Variants in IGDCC3 observed in about 807,000 individuals in gnomAD.
IGDCC3 encodes the protein putative neuronal cell adhesion molecule.
A neutral mutation model predicts 72.0 loss-of-function variants in IGDCC3; 47 were observed. The observed-to-expected ratio is 0.65, with a 90% confidence interval of 0.52 to 0.83. The LOEUF (loss-of-function observed/expected upper bound fraction) is 0.83. IGDCC3 is among the 40% of genes least tolerant of loss of function. IGDCC3 has a pLI of 0.00. For synonymous variants in IGDCC3, 477 were observed against 472.8 expected (o/e 1.01, Z -0.11); for missense variants, 1,038 against 1,091.3 (o/e 0.95, Z 0.69).
intron 2 of IGDCC3, among the ~76,000 whole-genome samples, chr15:65,350,645 A>G (rs985007628): frequency 2.0e-5 from 3 of 151,784 alleles, no homozygotes; most frequent in Non-Finnish European, 4.4e-5. Flanking sequence ...TATTTTTAGT[A>G]GAGATAGGGT....
chr15:65,373,797 A>C (rs2091341872), intron 2 of IGDCC3: 1 of 152,660 alleles, frequency 6.6e-6, no homozygotes. Context: ...TAATTCATGT[A>C]AAGCACTTGG....
intron 2 of IGDCC3, among the ~76,000 whole-genome samples, chr15:65,370,620 GTATATATATATATA>G (rs71136346): frequency 1.1e-5 from 1 of 94,592 alleles, no homozygotes; most frequent in Non-Finnish European, 2.4e-5. Flanking sequence ...ATATGTATGT[GTATATATATATATA>G]TATATATATA....
At chr15:65,361,908 G>A (rs944283775) in intron 2 of IGDCC3, among the ~76,000 whole-genome samples, 3 of 152,160 alleles carry the variant, frequency 2.0e-5, no homozygotes, top group African/African-American at 4.8e-5. Context: ...ATCGCGCCCC[G>A]CCCAGGGCAG....
intron 2 of IGDCC3, among the ~76,000 whole-genome samples, chr15:65,344,986 G>A (rs151118775): frequency 2.4e-4 from 36 of 152,144 alleles, no homozygotes; most frequent in African/African-American, 7.5e-4. Flanking sequence ...CCCACAGCCA[G>A]GTTTTCAAAA....
chr15:65,371,815 G>A (rs1458475418), intron 2 of IGDCC3, among the ~76,000 whole-genome samples: 1 of 152,214 alleles, frequency 6.6e-6, no homozygotes, highest in Non-Finnish European at 1.5e-5. Flanking sequence ...CCTCAGGTAT[G>A]AGTCAATGCA....
At chr15:65,353,958 T>C (rs1176018219) in intron 2 of IGDCC3, among the ~76,000 whole-genome samples, 1 of 152,130 alleles carries the variant, frequency 6.6e-6, no homozygotes, top group Non-Finnish European at 1.5e-5. Context: ...CAGGCTGGAG[T>C]GCAGTGGCGC....
rs369428111 is a variant in IGDCC3 at position 65,329,763 on chromosome 15, A to G, written c.1960T>C (p.Phe654Leu). 7.6e-5 allele frequency: 122 copies of G among 1,614,040 alleles called. No individual in the cohort carries two copies. Among genetic ancestry groups the G allele is most frequent in the Non-Finnish European group, 1.0e-4 (118 of 1,180,044 alleles). ...CCGAACAGGAGGAAGAGGACACAGA[A>G]GATGATGCAAGTGACCCCGATGTGG... Reference protein sequence around the residue: ...GIHIGVTCIIFCVLFLLFGQR... With the variant: ...GIHIGVTCIILCVLFLLFGQR... The change falls in exon 12 of 14, where the codon TTC (phenylalanine) becomes CTC (leucine). Residue 654 changes from phenylalanine to leucine, a missense_variant. Physicochemically the swap from Phe to Leu is conservative, Grantham distance 22. Coordinates refer to ENST00000327987, the MANE Select transcript of IGDCC3 (RefSeq NM_004884.4). This position sits in a 1 kb window ranked among gnomAD's most constrained non-coding sequence, Gnocchi z 4.1.
At chr15:65,351,600 A>C (rs2680885) in intron 2 of IGDCC3, among the ~76,000 whole-genome samples, 1 of 151,394 alleles carries the variant, frequency 6.6e-6, no homozygotes, top group African/African-American at 2.4e-5. Context: ...TGTCTATAAA[A>C]TTTTATTTAA....
At chr15:65,335,494 C>T in intron 3 of IGDCC3, 73 bp from the exon 4 acceptor site, 1 of 1,471,750 alleles carries the variant, frequency 6.8e-7, no homozygotes, top group South Asian at 1.3e-5. Flanking sequence ...CTCTGGGCAT[C>T]CAAGATACAG....
In IGDCC3 at chr15:65,359,524, G is replaced by C. The variant is rs528328044; in HGVS notation, c.409+15573C>G. On this transcript the variant is annotated intron_variant, in intron 2 of 13. Coordinates refer to ENST00000327987, the MANE Select transcript of IGDCC3 (RefSeq NM_004884.4). ...TACCACTAGCCACCTCTCCTGGGAT[G>C]GAAGACTGAGATTTGAACTCACCAG... is the stretch of plus-strand genomic sequence containing the variant. Among the ~76,000 whole-genome samples the C allele has an allele frequency of 5.3e-5, 8 of 152,276 alleles. No individual in the cohort carries two copies. In the South Asian group the frequency reaches 1.7e-3, roughly 32 times the overall value.
chr15:65,371,794 A>G (rs1407167822), intron 2 of IGDCC3, among the ~76,000 whole-genome samples: 1 of 152,220 alleles, frequency 6.6e-6, no homozygotes, highest in Non-Finnish European at 1.5e-5. Context: ...GGAGTCATTC[A>G]GGCACACAGG....
At chr15:65,344,147 G>A (rs924004787) in intron 2 of IGDCC3, among the ~76,000 whole-genome samples, 1 of 152,206 alleles carries the variant, frequency 6.6e-6, no homozygotes, top group African/African-American at 2.4e-5. Context: ...GAAGCGGGGA[G>A]GCTGTGTGGC....
chr15:65,363,443 G>A (rs1015593582), intron 2 of IGDCC3, among the ~76,000 whole-genome samples: 6 of 152,296 alleles, frequency 3.9e-5, no homozygotes, highest in South Asian at 4.1e-4. Flanking sequence ...GGTGCTCCCT[G>A]GAAGCAGTGG....
At position 65,370,618 on chromosome 15, in the gene IGDCC3, G is replaced by GTATATATATA. The variant is rs779669712; in HGVS notation, c.409+4478_409+4479insTATATATATA. On this transcript the variant is annotated intron_variant, in intron 2 of 13. Transcript: ENST00000327987. ...TATATGTATGTGTATATATATGTAT[G>GTATATATATA]TGTATATATATATATATATATATAT... 4.8e-3 allele frequency among the ~76,000 whole-genome samples: 273 copies of GTATATATATA among 56,850 alleles called. 3 individuals are homozygous for GTATATATATA. Among genetic ancestry groups the GTATATATATA allele is most frequent in the South Asian group, 0.023 (37 of 1,612 alleles). 37.3% of individuals were successfully genotyped at this position (56,850 alleles called of 152,430 possible).
intron 2 of IGDCC3, chr15:65,355,627 C>A (rs1253666794): frequency 1.5e-5 from 5 of 328,582 alleles, no homozygotes; most frequent in Non-Finnish European, 2.6e-5. Context: ...TGCGCCCCGG[C>A]CCGCGGCTAA....
In IGDCC3 at chr15:65,368,308, AG is replaced by A. The variant is rs763356064; in HGVS notation, c.409+6788del. ...GGGGTGGGGAGGGGACAGAGGGTTAAGGGGGGCTGGGGGCCTGTTTCATTTG... is the reference window on the plus strand; with the variant it reads ...GGGGTGGGGAGGGGACAGAGGGTTAAGGGGGCTGGGGGCCTGTTTCATTTG... On this transcript the variant is annotated intron_variant, in intron 2 of 13. Transcript: ENST00000327987. Among the ~76,000 whole-genome samples the A allele has an allele frequency of 2.3e-5, 3 of 128,496 alleles. No individual in the cohort carries two copies. In the South Asian group the frequency reaches 7.5e-4, roughly 32 times the overall value. 84.3% of individuals were successfully genotyped at this position (128,496 alleles called of 152,430 possible). A position where few individuals can be genotyped will look rare whatever the true frequency, so the allele number is the denominator to read the frequency against.
At chr15:65,351,411 G>C (rs2091172350) in intron 2 of IGDCC3, among the ~76,000 whole-genome samples, 1 of 152,096 alleles carries the variant, frequency 6.6e-6, no homozygotes, top group Non-Finnish European at 1.5e-5. Context: ...GCGGGTGCCT[G>C]TAGTCCCAGC....
intron 2 of IGDCC3, among the ~76,000 whole-genome samples, chr15:65,361,608 C>G (rs1000568992): frequency 5.3e-5 from 8 of 152,198 alleles, no homozygotes; most frequent in African/African-American, 9.7e-5. Flanking sequence ...AATATCCCCT[C>G]CCACGCTGAC....
At chr15:65,368,280 C>G (rs2091301406) in intron 2 of IGDCC3, among the ~76,000 whole-genome samples, 1 of 148,812 alleles carries the variant, frequency 6.7e-6, no homozygotes, top group Admixed American at 6.8e-5. Context: ...TCCTTTCTCC[C>G]TGGGGGTGGG....
Sources: allele counts gnomAD v4.1 joint callset (sites outside exome capture counted in the v4.1 genomes callset), GRCh38; gene constraint gnomAD v4.1.1; non-coding constraint Gnocchi (gnomAD v3.1); transcripts MANE v1.5; gene names NCBI Gene and HGNC (gene_info 2026-07-23, HGNC 2026-07-21).